Variants in LPIN1 observed in about 807,000 individuals in gnomAD.
The protein encoded by LPIN1 is phosphatidate phosphatase LPIN1.
Under a neutral mutation model 107.5 loss-of-function variants are expected in LPIN1, and 71 were observed. The observed-to-expected ratio is 0.66, with a 90% confidence interval of 0.55 to 0.80. The LOEUF is 0.80. Ranked by LOEUF, LPIN1 falls within the 30% of genes least tolerant of loss-of-function variation. The probability of loss-of-function intolerance (pLI) is 0.00; values close to 1 mark genes in which losing one functional copy is unlikely to be tolerated. For synonymous variants in LPIN1, 445 were observed against 452.6 expected (o/e 0.98, Z 0.21); for missense variants, 1,043 against 1,160.6 (o/e 0.90, Z 1.47).
At chr2:11,736,120 G>C (rs897994334) in intron 1 of LPIN1, among the ~76,000 whole-genome samples, 2 of 152,240 alleles carry the variant, frequency 1.3e-5, no homozygotes, top group African/African-American at 4.8e-5. Flanking sequence ...GGCAGCCTGG[G>C]GAAGAATTGA....
At chr2:11,798,703 A>G (rs766235443) in intron 14 of LPIN1, among the ~76,000 whole-genome samples, 2 of 152,152 alleles carry the variant, frequency 1.3e-5, no homozygotes, top group Non-Finnish European at 2.9e-5. Context: ...AGTTCTCTTG[A>G]AAAATGTAAA....
At chr2:11,696,964 C>G (rs1662617374) in intron 1 of LPIN1, among the ~76,000 whole-genome samples, 1 of 152,236 alleles carries the variant, frequency 6.6e-6, no homozygotes, top group African/African-American at 2.4e-5. Context: ...TAGAGTGGTT[C>G]TGCACGTCAG....
chr2:11,802,658 GT>G (rs926399399), intron 14 of LPIN1, among the ~76,000 whole-genome samples: 26 of 152,238 alleles, frequency 1.7e-4, no homozygotes, highest in African/African-American at 6.3e-4. Flanking sequence ...GCTTAAAATA[GT>G]GGTGGTAGCT....
At chr2:11,759,119 GCTTGCTTTCTTTCTTTTCTTT>G (rs1385513991) in intron 1 of LPIN1, among the ~76,000 whole-genome samples, 26 of 147,762 alleles carry the variant, frequency 1.8e-4, no homozygotes, top group Non-Finnish European at 2.8e-4. Flanking sequence ...GAGCTAGCTA[GCTTGCTTTCTTTCTTTTCTTT>G]CTTTCTTTCT....
At chr2:11,757,005 G>A (rs752816325) in intron 1 of LPIN1, among the ~76,000 whole-genome samples, 1 of 152,196 alleles carries the variant, frequency 6.6e-6, no homozygotes, top group Non-Finnish European at 1.5e-5. Context: ...ACCCAGTCTT[G>A]CCAAAGGATA....
chr2:11,762,747 A>G (rs931956843), intron 1 of LPIN1, among the ~76,000 whole-genome samples: 1 of 152,200 alleles, frequency 6.6e-6, no homozygotes, highest in African/African-American at 2.4e-5. Flanking sequence ...ACCAAAATAT[A>G]TATTTCCTAT....
At chr2:11,767,343 C>A in intron 2 of LPIN1, 1 of 211,910 alleles carries the variant, frequency 4.7e-6, no homozygotes, top group South Asian at 7.6e-5. Flanking sequence ...TCTCACCAGC[C>A]ATGTGACCCT....
intron 1 of LPIN1, among the ~76,000 whole-genome samples, chr2:11,750,942 C>G (rs962944813): frequency 6.6e-6 from 1 of 152,140 alleles, no homozygotes; most frequent in Non-Finnish European, 1.5e-5. Context: ...GGACAGAGGG[C>G]TCTTGAAAGT....
At chr2:11,735,159 G>A (rs1665662139) in intron 1 of LPIN1, among the ~76,000 whole-genome samples, 1 of 152,082 alleles carries the variant, frequency 6.6e-6, no homozygotes, top group South Asian at 2.1e-4. Flanking sequence ...GGGCATGGTG[G>A]CACACGACTG....
rs767849782 is a variant in LPIN1, at chr2:11,776,041, C to T, written c.723-45C>T. 2.1e-5 allele frequency: 23 copies of T among 1,086,088 alleles called. 1 individual carries two copies. In the South Asian group the frequency reaches 3.4e-4, roughly 16 times the overall value. 67.3% of individuals were successfully genotyped at this position (1,086,088 alleles called of 1,614,324 possible). A position where few individuals can be genotyped will look rare whatever the true frequency, so the allele number is the denominator to read the frequency against. Reference sequence around the variant, plus strand: ...TAATCTCACTTGATGTAATTGACCTCTGATTTTGTCTTTCTTTTAATGTGT... The same window carrying T: ...TAATCTCACTTGATGTAATTGACCTTTGATTTTGTCTTTCTTTTAATGTGT... On this transcript the variant is annotated intron_variant, in intron 5 of 20. Transcript: ENST00000674199.
At chr2:11,746,346 C>G (rs1666904994), upstream of LPIN1, among the ~76,000 whole-genome samples, 1 of 152,184 alleles carries the variant, frequency 6.6e-6, no homozygotes, top group Admixed American at 6.5e-5. Flanking sequence ...GTCCTCACTC[C>G]CCCAGTCATC....
chr2:11,701,312 A>G (rs1314727915), intron 1 of LPIN1, among the ~76,000 whole-genome samples: 1 of 152,184 alleles, frequency 6.6e-6, no homozygotes, highest in Non-Finnish European at 1.5e-5. Context: ...GAGTAACTCA[A>G]GTGATCCTGT....
At chr2:11,770,118 A>C (rs1671604492) in intron 3 of LPIN1, among the ~76,000 whole-genome samples, 2 of 152,240 alleles carry the variant, frequency 1.3e-5, no homozygotes, top group South Asian at 2.1e-4. Context: ...TTTGCACTGC[A>C]TGTGGACACC....
chr2:11,779,593 A>C lies in LPIN1; in HGVS notation c.905A>C (p.Gln302Pro), dbSNP rs776949429. Residue 302 changes from glutamine to proline, a missense_variant, in exon 7 of 21, where the codon CAG becomes CCG. Gln to Pro is a moderately conservative substitution (Grantham distance 76). Coordinates refer to ENST00000674199, the MANE Select transcript of LPIN1 (RefSeq NM_001349206.2). ...LVSKSTERTGQKNPEMLWLWG... is the reference protein window; with the variant it reads ...LVSKSTERTGPKNPEMLWLWG... ...AGCAAGTCCACGGAAAGGACAGGGC[A>C]GAAGAACCCAGAAATGCTTTGGCTG... is the stretch of plus-strand genomic sequence containing the variant. 9.3e-6 allele frequency: 15 copies of C among 1,614,060 alleles called. No individual in the cohort carries two copies. Among genetic ancestry groups the C allele is most frequent in the Non-Finnish European group, 8.5e-7 (1 of 1,180,030 alleles).
At chr2:11,726,935 G>C (rs1371435548) in intron 1 of LPIN1, among the ~76,000 whole-genome samples, 1 of 152,174 alleles carries the variant, frequency 6.6e-6, no homozygotes. Flanking sequence ...TCACGATTAT[G>C]CATTATTGGG....
At chr2:11,744,372 C>T (rs1666680525), upstream of LPIN1, among the ~76,000 whole-genome samples, 3 of 152,336 alleles carry the variant, frequency 2.0e-5, no homozygotes, top group South Asian at 2.1e-4. Flanking sequence ...AGTCCGGTTT[C>T]GTTTATCGCC....
chr2:11,768,511 G>GT lies in LPIN1; in HGVS notation c.288+662dup, dbSNP rs142855780. Among the ~76,000 whole-genome samples the GT allele has an allele frequency of 5.8e-3, 880 of 150,454 alleles. 6 individuals carry two copies. The highest frequency in any genetic ancestry group is 0.02 in the African/African-American group (820 of 40,988). On this transcript the variant is annotated intron_variant, in intron 3 of 20. Coordinates refer to ENST00000674199, the MANE Select transcript of LPIN1 (RefSeq NM_001349206.2). ...TTACAGTATCTGGTCTTTTGTGCCT[G>GT]TTTTTTTTTGACTAATGTTTCAAGG...
chr2:11,815,313 G>C, intron 18 of LPIN1, 73 bp downstream of exon 18: 3 of 1,557,120 alleles, frequency 1.9e-6, no homozygotes, highest in Non-Finnish European at 2.6e-6. Flanking sequence ...TGCAAGTTTT[G>C]TAAGAATAGC....
intron 17 of LPIN1, among the ~76,000 whole-genome samples, chr2:11,812,975 C>T (rs765382745): frequency 3.9e-5 from 6 of 152,040 alleles, no homozygotes; most frequent in Non-Finnish European, 7.4e-5. Context: ...AGGTAGACAC[C>T]AACGGGGCCC....
Sources: allele counts gnomAD v4.1 joint callset (sites outside exome capture counted in the v4.1 genomes callset), GRCh38; gene constraint gnomAD v4.1.1; transcripts MANE v1.5; gene names NCBI Gene and HGNC (gene_info 2026-07-23, HGNC 2026-07-21).